The following SUMF1 variants were observed in gnomAD, a reference collection of about 807,000 sequenced individuals.
SUMF1 encodes the protein formylglycine-generating enzyme.
SUMF1 carries 48 observed loss-of-function variants against 47.6 expected under a neutral mutation model. The ratio of observed to expected loss-of-function variants is 1.01; its 90% confidence interval spans 0.80 to 1.28. The LOEUF (loss-of-function observed/expected upper bound fraction) is 1.28. Ranked by LOEUF, SUMF1 falls within the 50% of genes most tolerant of loss-of-function variation. The pLI is 0.00. For synonymous variants in SUMF1, 230 were observed against 192.1 expected, an observed-to-expected ratio of 1.20 and a Z score of -1.63; for missense variants, 571 against 485.4, an observed-to-expected ratio of 1.18 and a Z score of -1.66.
rs1694625804 is a variant in SUMF1 at position 4,163,385 on chromosome 3, AGG to A, written c.1015-94642_1015-94641del. Among the ~76,000 whole-genome samples the A allele has an allele frequency of 2.3e-4, 7 of 30,116 alleles. 1 individual carries two copies. Among genetic ancestry groups the A allele is most frequent in the African/African-American group, 5.6e-4 (7 of 12,488 alleles). 19.8% of individuals were successfully genotyped at this position (30,116 alleles called of 152,430 possible). On this transcript the variant is annotated intron_variant and NMD_transcript_variant, in intron 8 of 12. Transcript: ENST00000448413. ...GAGAAAGGAAGGAAGGAAGGAAGGG[AGG>A]GAGGGAGGGAGGGAGGGAGGGAGGG...
chr3:4,297,592 G>C (rs776341746), intron 8 of SUMF1, among the ~76,000 whole-genome samples: 35 of 134,800 alleles, frequency 2.6e-4, no homozygotes, highest in Non-Finnish European at 3.5e-4. Context: ...TTTTGAGATG[G>C]AGTCTGGCTA....
intron 7 of SUMF1, among the ~76,000 whole-genome samples, chr3:4,402,681 C>T (rs915038428): frequency 1.3e-5 from 2 of 152,130 alleles, no homozygotes; most frequent in Non-Finnish European, 2.9e-5. Flanking sequence ...AAAGACAGCA[C>T]TGATAGCCAG....
At chr3:4,387,951 A>G (rs1343815796) in intron 7 of SUMF1, among the ~76,000 whole-genome samples, 1 of 152,020 alleles carries the variant, frequency 6.6e-6, no homozygotes, top group East Asian at 1.9e-4. Context: ...TATGTCTTCA[A>G]TTTTTAAAAA....
chr3:4,170,912 C>T (rs930407362), intron 8 of SUMF1, among the ~76,000 whole-genome samples: 5 of 152,098 alleles, frequency 3.3e-5, no homozygotes, highest in Non-Finnish European at 7.4e-5. Context: ...GTCACTGTTG[C>T]ATGAACTACA....
Position 4,086,998 on chromosome 3 carries a change from C to T in SUMF1, c.1015-18253G>A, listed in dbSNP as rs562962595. 4.0e-3 allele frequency among the ~76,000 whole-genome samples: 615 copies of T among 152,194 alleles called. 2 individuals carry two copies. Among genetic ancestry groups the T allele is most frequent in the Non-Finnish European group, 6.0e-3 (411 of 68,010 alleles). ...GTCTTGGGTATGTCTTTATCAGTAG[C>T]GTGAAAACAGACTAATACAAAGTAC... On this transcript the variant is annotated intron_variant and NMD_transcript_variant, in intron 8 of 12. Transcript: ENST00000448413.
chr3:4,211,326 C>A (rs1695789575), intron 8 of SUMF1, among the ~76,000 whole-genome samples: 1 of 150,208 alleles, frequency 6.7e-6, no homozygotes, highest in Non-Finnish European at 1.5e-5. Context: ...CTTCCTCTAA[C>A]CTCCACCCTC....
downstream of SUMF1, among the ~76,000 whole-genome samples, chr3:4,356,262 T>C (rs1020025272): frequency 6.6e-6 from 1 of 152,240 alleles, no homozygotes; most frequent in Non-Finnish European, 1.5e-5. Flanking sequence ...AATTAAGTTT[T>C]AACAAATAAA....
At position 4,152,226 on chromosome 3, in the gene SUMF1, T is replaced by C. The variant is rs79851396; in HGVS notation, c.1015-83481A>G. ...TTGCCTGGCACAAAGCAGTGAGAGA[T>C]AGGAAAGGGTTTATTCAAGAAGTCA... On this transcript the variant is annotated intron_variant and NMD_transcript_variant, in intron 8 of 12. Coordinates refer to the SUMF1 transcript ENST00000448413. Among the ~76,000 whole-genome samples the C allele has an allele frequency of 2.2e-3, 336 of 151,616 alleles. 1 individual carries two copies. The highest frequency in any genetic ancestry group is 3.4e-3 in the Non-Finnish European group (229 of 67,994).
intron 7 of SUMF1, among the ~76,000 whole-genome samples, chr3:4,383,818 A>G (rs1387120894): frequency 1.3e-5 from 2 of 152,206 alleles, no homozygotes; most frequent in Non-Finnish European, 2.9e-5. Flanking sequence ...TAACTCTGAC[A>G]CAGAAACTTC....
chr3:4,127,873 T>A (rs1693691561), intron 8 of SUMF1, among the ~76,000 whole-genome samples: 1 of 151,998 alleles, frequency 6.6e-6, no homozygotes, highest in Non-Finnish European at 1.5e-5. Context: ...CTTCTAACAG[T>A]ATGGAGAACA....
At chr3:4,072,616 A>C (rs778424501) in intron 8 of SUMF1, among the ~76,000 whole-genome samples, 4 of 152,188 alleles carry the variant, frequency 2.6e-5, no homozygotes, top group African/African-American at 9.7e-5. Context: ...TAACTAGAAT[A>C]ACCAGCGTAG....
chr3:4,330,743 T>C (rs1699033326), intron 8 of SUMF1, among the ~76,000 whole-genome samples: 1 of 152,070 alleles, frequency 6.6e-6, no homozygotes, highest in South Asian at 2.1e-4. Flanking sequence ...TCTCTTAGTA[T>C]TTCACAAAAA....
At chr3:4,367,145 AG>A (rs1699997303) in intron 8 of SUMF1, among the ~76,000 whole-genome samples, 1 of 152,114 alleles carries the variant, frequency 6.6e-6, no homozygotes, top group South Asian at 2.1e-4. Context: ...GGTGCCTCAC[AG>A]TTAGGCTGCT....
chr3:4,309,684 C>G (rs1446193943), intron 8 of SUMF1, among the ~76,000 whole-genome samples: 1 of 152,178 alleles, frequency 6.6e-6, no homozygotes, highest in Non-Finnish European at 1.5e-5. Flanking sequence ...TAGGCCTCAT[C>G]TACGTGGCAG....
At chr3:4,086,920 A>G (rs577341221) in intron 8 of SUMF1, among the ~76,000 whole-genome samples, 2 of 152,212 alleles carry the variant, frequency 1.3e-5, no homozygotes, top group East Asian at 3.9e-4. Context: ...AGGCCTCCTC[A>G]GCCATGTGGA....
chr3:4,437,137 G>GT (rs1294758676), intron 3 of SUMF1, among the ~76,000 whole-genome samples: 1 of 152,144 alleles, frequency 6.6e-6, no homozygotes, highest in East Asian at 1.9e-4. Context: ...GGAATGGAGA[G>GT]TACAGATATT....
chr3:4,114,497 T>C (rs1178200581), intron 8 of SUMF1, among the ~76,000 whole-genome samples: 2 of 152,188 alleles, frequency 1.3e-5, no homozygotes, highest in Admixed American at 6.5e-5. Context: ...GCTGCCCTTA[T>C]TGACTAAGTT....
At chr3:4,193,401 G>A (rs908809035) in intron 8 of SUMF1, among the ~76,000 whole-genome samples, 1 of 151,956 alleles carries the variant, frequency 6.6e-6, no homozygotes. Flanking sequence ...AGACTTGAGG[G>A]GATCATAAGA....
chr3:4,430,495 G>T (rs529307180), intron 3 of SUMF1, among the ~76,000 whole-genome samples: 2 of 152,146 alleles, frequency 1.3e-5, no homozygotes, highest in Non-Finnish European at 2.9e-5. Flanking sequence ...ATATAGGCTC[G>T]CTAGGAGGAT....
Sources: allele counts gnomAD v4.1 joint callset (sites outside exome capture counted in the v4.1 genomes callset), GRCh38; gene constraint gnomAD v4.1.1; transcripts MANE v1.5; gene names NCBI Gene and HGNC (gene_info 2026-07-23, HGNC 2026-07-21).